Variants in NAF1 observed in about 807,000 individuals in gnomAD.
NAF1 encodes the protein H/ACA ribonucleoprotein complex non-core subunit NAF1.
In NAF1, 11 loss-of-function variants were observed where a neutral mutation model predicts 40.6. That is an observed-to-expected ratio of 0.27 (90% CI 0.17 to 0.45). The LOEUF (loss-of-function observed/expected upper bound fraction) is 0.45. NAF1 is among the 20% of genes least tolerant of loss of function. The pLI is 1.00. For missense variants in NAF1, 607 were observed against 611.1 expected, an observed-to-expected ratio of 0.99 and a Z score of 0.07; for synonymous variants, 260 against 228.5, an observed-to-expected ratio of 1.14 and a Z score of -1.24.
chr4:163,145,625 TG>T (rs2110960382), intron 4 of NAF1, among the ~76,000 whole-genome samples, 156 bp downstream of exon 4: 1 of 152,252 alleles, frequency 6.6e-6, no homozygotes, highest in African/African-American at 2.4e-5. Flanking sequence ...CAGACAGATA[TG>T]AAGTACTAAA....
chr4:163,140,982 A>T (rs1003645942), intron 4 of NAF1, among the ~76,000 whole-genome samples: 5 of 152,244 alleles, frequency 3.3e-5, no homozygotes, highest in Non-Finnish European at 7.3e-5. Context: ...GCAGAACCAC[A>T]TATTTTACTT....
chr4:163,145,329 C>G (rs1011835541), intron 4 of NAF1, among the ~76,000 whole-genome samples: 1 of 152,162 alleles, frequency 6.6e-6, no homozygotes, highest in Non-Finnish European at 1.5e-5. Flanking sequence ...TATTTTTCCA[C>G]TTGGAAAAGA....
intron 2 of NAF1, among the ~76,000 whole-genome samples, chr4:163,149,540 C>T (rs145293421): frequency 1.2e-3 from 183 of 152,234 alleles, no homozygotes; most frequent in African/African-American, 3.9e-3. Flanking sequence ...AGCAACACTA[C>T]GGGTCTCAAC....
chr4:163,116,006 T>C (rs559748223), intron 2 of NAF1, among the ~76,000 whole-genome samples: 8 of 152,330 alleles, frequency 5.3e-5, no homozygotes, highest in East Asian at 1.9e-4. Flanking sequence ...TGAAGCAAAA[T>C]TGATTTAATA....
intron 7 of NAF1, among the ~76,000 whole-genome samples, chr4:163,131,419 C>CA (rs1231609401): frequency 6.6e-6 from 1 of 151,714 alleles, no homozygotes; most frequent in Non-Finnish European, 1.5e-5. Context: ...AAAACAAAAA[C>CA]AAAAAAACCT....
intron 1 of NAF1, among the ~76,000 whole-genome samples, chr4:163,165,545 C>T (rs1459923729): frequency 6.6e-6 from 1 of 152,022 alleles, no homozygotes; most frequent in Non-Finnish European, 1.5e-5. Context: ...CATTTCATAC[C>T]CTCTCCTTCT....
intron 2 of NAF1, among the ~76,000 whole-genome samples, chr4:163,111,188 TA>T (rs770894104): frequency 6.6e-6 from 1 of 152,076 alleles, no homozygotes; most frequent in African/African-American, 2.4e-5. Flanking sequence ...GATTTGGTGT[TA>T]AAAAAATAGG....
At chr4:163,157,287 C>T (rs1435380853) in intron 2 of NAF1, 1 of 151,074 alleles carries the variant, frequency 6.6e-6, no homozygotes, top group Non-Finnish European at 1.5e-5. Flanking sequence ...ATTCAGAAAC[C>T]AAATAATGAG....
chr4:163,122,878 C>A (rs1730555081), downstream of NAF1, among the ~76,000 whole-genome samples: 1 of 152,188 alleles, frequency 6.6e-6, no homozygotes, highest in African/African-American at 2.4e-5. Flanking sequence ...CAATAAATTT[C>A]TGTTCATTAT....
chr4:163,106,577 GTAAA>G (rs1314695088), downstream of NAF1, among the ~76,000 whole-genome samples: 5 of 75,044 alleles, frequency 6.7e-5, no homozygotes, highest in East Asian at 2.1e-3. Context: ...AATATGAATA[GTAAA>G]TAGTCATTTT....
Position 163,155,269 on chromosome 4 carries a change from A to G in NAF1, c.541-6835T>C, listed in dbSNP as rs967913417. On this transcript the variant is annotated intron_variant, in intron 2 of 7. Coordinates refer to ENST00000274054, the MANE Select transcript of NAF1 (RefSeq NM_138386.3). ...GTATTTACTTAATGTCTATTTCTCT[A>G]ACTACACAATAAATCCAACCATAAC... Among the ~76,000 whole-genome samples the G allele has an allele frequency of 4.6e-5, 7 of 152,308 alleles. 1 individual carries two copies. The highest frequency in any genetic ancestry group is 1.3e-4 in the Admixed American group (2 of 15,302).
intron 2 of NAF1, among the ~76,000 whole-genome samples, chr4:163,149,153 G>A (rs569137129): frequency 6.6e-6 from 1 of 152,270 alleles, no homozygotes; most frequent in South Asian, 2.1e-4. Context: ...AGATGAATCT[G>A]AAGAGAAATC....
intron 2 of NAF1, among the ~76,000 whole-genome samples, chr4:163,162,189 A>G (rs1463696504): frequency 1.3e-5 from 2 of 152,210 alleles, no homozygotes; most frequent in Non-Finnish European, 2.9e-5. Flanking sequence ...TGAGAAACGG[A>G]CAAAGAGGCA....
chr4:163,141,849 T>C (rs1731274343), intron 4 of NAF1: 1 of 627,490 alleles, frequency 1.6e-6, no homozygotes, highest in East Asian at 1.4e-4. Context: ...TGATTTTTGA[T>C]AGTAAATGCT....
Position 163,154,454 on chromosome 4 carries a change from T to C in NAF1, c.541-6020A>G, listed in dbSNP as rs182934704. Among the ~76,000 whole-genome samples, 741 of 152,344 alleles carry C rather than the reference T, an allele frequency of 4.9e-3. 8 individuals are homozygous for C. Among genetic ancestry groups the C allele is most frequent in the African/African-American group, 0.017 (706 of 41,576 alleles). Reference sequence around the variant, plus strand: ...ATAATTCCAGGTTAAGATCCTGTTATAGAGTCTGCCTTTGAAAGTACAGTT... The same window carrying C: ...ATAATTCCAGGTTAAGATCCTGTTACAGAGTCTGCCTTTGAAAGTACAGTT... On this transcript the variant is annotated intron_variant, in intron 2 of 7. Transcript: ENST00000274054.
chr4:163,119,788 C>A (rs941250435), intron 2 of NAF1: 12 of 152,024 alleles, frequency 7.9e-5, no homozygotes, highest in Non-Finnish European at 1.5e-4. Context: ...TAATATATTC[C>A]ACAGTCATAT....
intron 6 of NAF1, among the ~76,000 whole-genome samples, chr4:163,133,856 C>T (rs1730960454): frequency 6.6e-6 from 1 of 152,090 alleles, no homozygotes; most frequent in Admixed American, 6.5e-5. Context: ...CAGCTCACTG[C>T]AACCTCTGCC....
intron 2 of NAF1, among the ~76,000 whole-genome samples, chr4:163,148,716 T>C (rs534776770): frequency 3.7e-4 from 56 of 152,316 alleles, no homozygotes; most frequent in African/African-American, 1.3e-3. Flanking sequence ...TCAGTCACAC[T>C]TGAACAAGAG....
chr4:163,166,412 G>C lies in NAF1; in HGVS notation c.316C>G (p.Arg106Gly). Residue 106 changes from arginine to glycine, a missense_variant, in exon 1 of 8, where the codon CGG (arginine) becomes GGG (glycine). Around this residue, in one of 3 missense-constraint regions of NAF1, gnomAD observed 407 missense variants for 365.5 expected, o/e 1.11. Coordinates refer to ENST00000274054, the MANE Select transcript of NAF1 (RefSeq NM_138386.3). ...VTSPGAAEPA[R>G]APDSLETSDS... ...GAGGTCTCCAAGGAGTCCGGCGCCC[G>C]CGCAGGCTCTGCGGCTCCTGGGGAG... 1.2e-6 allele frequency: 2 copies of C among 1,607,758 alleles called. No individual in the cohort carries two copies. Among genetic ancestry groups the C allele is most frequent in the South Asian group, 2.2e-5 (2 of 90,658 alleles).
Sources: allele counts gnomAD v4.1 joint callset (sites outside exome capture counted in the v4.1 genomes callset), GRCh38; gene constraint gnomAD v4.1.1; regional missense constraint gnomAD v4.1.1; transcripts MANE v1.5; gene names NCBI Gene and HGNC (gene_info 2026-07-23, HGNC 2026-07-21).